Variants in NBEA observed in about 807,000 individuals in gnomAD.
NBEA encodes the protein neurobeachin.
Under a neutral mutation model 343.4 loss-of-function variants are expected in NBEA, and 44 were observed. That is an observed-to-expected ratio of 0.13 (90% CI 0.10 to 0.16). The LOEUF is 0.16. Ranked by LOEUF, NBEA falls within the 10% of genes least tolerant of loss-of-function variation. NBEA has a pLI of 1.00. For missense variants in NBEA, 2,555 were observed against 3,631.3 expected (o/e 0.70, Z 7.62); for synonymous variants, 1,175 against 1,238.7 (o/e 0.95, Z 1.08).
intron 41 of NBEA, among the ~76,000 whole-genome samples, chr13:35,480,058 GA>G (rs35107997): frequency 1.4e-3 from 197 of 136,348 alleles, no homozygotes; most frequent in African/African-American, 5.0e-3. Flanking sequence ...TACCAGTTAG[GA>G]AAAAAAAAAA....
At chr13:35,350,056 G>A (rs189794993) in intron 37 of NBEA, among the ~76,000 whole-genome samples, 15 of 152,188 alleles carry the variant, frequency 9.9e-5, no homozygotes, top group African/African-American at 3.6e-4. Context: ...TTCGATAAAA[G>A]TATAGTGATC....
chr13:35,159,467 T>G lies in NBEA; in HGVS notation c.3296T>G (p.Val1099Gly). 6.2e-7 allele frequency: 1 copy of G among 1,613,368 alleles called. No individual in the cohort carries two copies. Among genetic ancestry groups the G allele is most frequent in the Non-Finnish European group, 8.5e-7 (1 of 1,179,668 alleles). The part of the protein sequence containing the change: ...LVEVESLLDN[V>G]YSAAVEKLQN... ...GAGGTTGAATCTCTGTTGGATAATG[T>G]ATATAGTGCTGCTGTTGAGAAACTC... Residue 1099 changes from valine to glycine, a missense_variant, in exon 22 of 59, where the codon GTA becomes GGA. By Grantham distance (109) the Val-to-Gly change is moderately radical. This residue lies in a region of NBEA where 367 missense variants were observed against 377.5 expected (regional missense o/e 0.97). Transcript: ENST00000379939.
chr13:35,352,393 G>T, intron 38 of NBEA, 70 bp downstream of exon 38: 2 of 823,578 alleles, frequency 2.4e-6, no homozygotes, highest in South Asian at 4.9e-5. Context: ...TAAAAATATG[G>T]CTACAAATTT....
chr13:35,610,763 C>A (rs2082479817), intron 48 of NBEA, among the ~76,000 whole-genome samples: 1 of 151,916 alleles, frequency 6.6e-6, no homozygotes, highest in Non-Finnish European at 1.5e-5. Flanking sequence ...AAAGACAAGC[C>A]ACAGGCTGAG....
chr13:35,350,769 T>C (rs867099302), intron 37 of NBEA, among the ~76,000 whole-genome samples: 2 of 137,558 alleles, frequency 1.5e-5, no homozygotes, highest in East Asian at 2.1e-4. Context: ...TGTGTGTGTG[T>C]GTGTAGTTTA....
chr13:35,670,596 C>A (rs2085571519), intron 58 of NBEA, among the ~76,000 whole-genome samples: 3 of 152,242 alleles, frequency 2.0e-5, no homozygotes, highest in African/African-American at 7.2e-5. Context: ...AGCGGACAGG[C>A]ACGTGTGTGA....
chr13:35,365,379 G>A (rs1434350801), intron 38 of NBEA, among the ~76,000 whole-genome samples: 1 of 151,766 alleles, frequency 6.6e-6, no homozygotes, highest in Non-Finnish European at 1.5e-5. Flanking sequence ...TAATGAAACT[G>A]CTCCTTGGCT....
intron 41 of NBEA, among the ~76,000 whole-genome samples, chr13:35,500,229 G>T (rs935086386): frequency 7.2e-5 from 11 of 152,040 alleles, no homozygotes; most frequent in Non-Finnish European, 1.6e-4. Flanking sequence ...AACAATCCAG[G>T]GTTGCTTTCC....
At chr13:35,309,470 G>A in intron 35 of NBEA, 58 bp from the exon 36 acceptor site, 1 of 908,562 alleles carries the variant, frequency 1.1e-6, no homozygotes, top group African/African-American at 1.7e-5. Flanking sequence ...CCTTAAACCA[G>A]AAGTTACTTT....
At chr13:35,385,222 CTTTGT>C in intron 38 of NBEA, among the ~76,000 whole-genome samples, 1 of 152,038 alleles carries the variant, frequency 6.6e-6, no homozygotes, top group Middle Eastern at 3.4e-3. Context: ...TTGTAGAGTA[CTTTGT>C]TTTGATTATT....
At chr13:35,645,157 G>A (rs1278812371) in intron 49 of NBEA, among the ~76,000 whole-genome samples, 1 of 152,142 alleles carries the variant, frequency 6.6e-6, no homozygotes, top group Non-Finnish European at 1.5e-5. Context: ...GATTAGTGGT[G>A]GTGCTATGTC....
chr13:35,160,664 A>G (rs1475100623), intron 22 of NBEA, among the ~76,000 whole-genome samples: 3 of 152,166 alleles, frequency 2.0e-5, no homozygotes, highest in African/African-American at 7.2e-5. Flanking sequence ...ATGAATAGAA[A>G]TTTGTTATAA....
intron 44 of NBEA, among the ~76,000 whole-genome samples, chr13:35,560,125 GATGAGGTAGAGAGTAGCT>G (rs2079794775): frequency 1.0e-5 from 1 of 96,770 alleles, no homozygotes; most frequent in African/African-American, 3.0e-5. Flanking sequence ...ATTTTACAGA[GATGAGGTAGAGAGTAGCT>G]AAATAACTTG....
chr13:35,076,187 TC>T (rs893599002), intron 10 of NBEA, among the ~76,000 whole-genome samples: 4 of 151,958 alleles, frequency 2.6e-5, no homozygotes, highest in South Asian at 2.1e-4. Context: ...CTTAGGTTTT[TC>T]GGAAAGAATA....
intron 12 of NBEA, 106 bp from the exon 13 acceptor site, chr13:35,110,704 T>C: frequency 1.3e-6 from 1 of 789,682 alleles, no homozygotes; most frequent in Non-Finnish European, 1.8e-6. Context: ...AATGGTCATT[T>C]CTTGGTCTTT....
chr13:35,606,676 T>C (rs752028711), intron 48 of NBEA, 98 bp downstream of exon 48: 11 of 928,000 alleles, frequency 1.2e-5, no homozygotes, highest in Non-Finnish European at 1.6e-5. Context: ...TTACCAATTA[T>C]ACTTAACATC....
At chr13:35,040,511 C>G (rs73167750) in intron 1 of NBEA, among the ~76,000 whole-genome samples, 2,134 of 151,730 alleles carry the variant, frequency 0.014, 18 homozygotes, top group Middle Eastern at 0.024. Context: ...AGATTATGCC[C>G]CAGTTATATC....
chr13:35,172,611 G>A (rs1407088744), intron 26 of NBEA, among the ~76,000 whole-genome samples: 1 of 151,834 alleles, frequency 6.6e-6, no homozygotes, highest in Admixed American at 6.6e-5. Context: ...TCAACCACAG[G>A]AAACTTTTAT....
At chr13:35,458,525 G>A (rs895018172) in intron 40 of NBEA, among the ~76,000 whole-genome samples, 1 of 152,196 alleles carries the variant, frequency 6.6e-6, no homozygotes, top group Non-Finnish European at 1.5e-5. Flanking sequence ...CTTACGAGCT[G>A]TTGAAATAAA....
Sources: gnomAD v4.1 joint callset for allele counts (sites outside exome capture counted in the v4.1 genomes callset) on GRCh38, gnomAD v4.1.1 for gene constraint, gnomAD v4.1.1 regional missense constraint, MANE v1.5 for transcripts, NCBI Gene and HGNC (gene_info 2026-07-23, HGNC 2026-07-21) for gene names.